ALAS2: variants seen among roughly 807,000 people sequenced by gnomAD.
The protein encoded by ALAS2 is 5'-aminolevulinate synthase 2, also known as 5-aminolevulinate synthase, erythroid-specific, mitochondrial.
ALAS2 carries 3 observed loss-of-function variants against 33.7 expected under a neutral mutation model. The observed-to-expected ratio is 0.09, with a 90% CI of 0.04 to 0.23. ALAS2 has a LOEUF of 0.23. Ranked by LOEUF, ALAS2 falls within the 10% of genes least tolerant of loss-of-function variation. The pLI, the probability that ALAS2 is intolerant of heterozygous loss-of-function variation, is 1.00. For synonymous variants in ALAS2, 191 were observed against 177.3 expected (o/e 1.08, Z -0.61); for missense variants, 304 against 475.1 (o/e 0.64, Z 3.35).
chrX:55,025,992 A>G lies in ALAS2; in HGVS notation c.9T>C (p.Thr3=). Residue 3 remains threonine (T), a synonymous_variant, in exon 2 of 11, where the codon ACT becomes ACC. Coordinates refer to ENST00000650242, the MANE Select transcript of ALAS2 (RefSeq NM_000032.5). The part of the protein sequence containing the change: MV[T]AAMLLQCCPV... ...GGCAGCACTGTAGCAGCATGGCTGCAGTCACCATCTTGAACCTAAAGTCCT... is the reference window on the plus strand; with the variant it reads ...GGCAGCACTGTAGCAGCATGGCTGCGGTCACCATCTTGAACCTAAAGTCCT... 1 of 1,211,040 alleles carries G rather than the reference A, an allele frequency of 8.3e-7. No homozygotes were observed. The highest frequency in any genetic ancestry group is 1.1e-6 in the Non-Finnish European group (1 of 895,231).
chrX:55,010,761 C>G (rs1020031663), intron 10 of ALAS2, among the ~76,000 whole-genome samples: 19 of 111,526 alleles, frequency 1.7e-4, no homozygotes, highest in African/African-American at 6.2e-4. Flanking sequence ...TCCCATAGCA[C>G]TTAGAACTAA....
At chrX:55,023,906 T>C (rs748553527) in intron 3 of ALAS2, 39 bp from the exon 4 acceptor site, 2 of 1,088,260 alleles carry the variant, frequency 1.8e-6, no homozygotes, top group East Asian at 6.1e-5. Flanking sequence ...GTGAAGAGAA[T>C]GGGGGAAAAA....
chrX:55,015,277 T>C (rs1328904624), intron 8 of ALAS2, among the ~76,000 whole-genome samples: 1 of 106,762 alleles, frequency 9.4e-6, no homozygotes, highest in Non-Finnish European at 1.9e-5. Context: ...GGGTCAGGAG[T>C]GGAGCTAAGA....
chrX:55,017,415 C>T (rs1319307318), intron 7 of ALAS2, 71 bp downstream of exon 7: 2 of 961,474 alleles, frequency 2.1e-6, no homozygotes, highest in African/African-American at 3.8e-5. Context: ...TTATCGTCAT[C>T]ATCATCATCA....
intron 4 of ALAS2, among the ~76,000 whole-genome samples, chrX:55,022,679 G>A (rs781355205): frequency 3.6e-5 from 4 of 111,588 alleles, no homozygotes; most frequent in African/African-American, 9.8e-5. Context: ...TTATCCTGGA[G>A]AAACACTTGC....
At chrX:55,013,447 G>T (rs1409492398) in intron 10 of ALAS2, 39 bp downstream of exon 10, 1 of 1,173,699 alleles carries the variant, frequency 8.5e-7, no homozygotes, top group Admixed American at 2.3e-5. Context: ...TGGGGCTGAG[G>T]GGAGGGAGGT....
intron 10 of ALAS2, among the ~76,000 whole-genome samples, chrX:55,009,989 C>T (rs1935573140): frequency 9.0e-6 from 1 of 111,643 alleles, no homozygotes; most frequent in South Asian, 3.8e-4. Context: ...GTCTAATATG[C>T]ATTTCTAACT....
At chrX:55,015,064 A>T (rs1935676261) in intron 8 of ALAS2, 49 bp from the exon 9 acceptor site, 1 of 1,171,609 alleles carries the variant, frequency 8.5e-7, no homozygotes, top group East Asian at 3.0e-5. Context: ...AATCAGTCCC[A>T]GAGCAACAGG....
At chrX:55,027,715 C>T (rs770741481) in intron 1 of ALAS2, 2 of 1,200,293 alleles carry the variant, frequency 1.7e-6, no homozygotes, top group Non-Finnish European at 2.3e-6. Context: ...ATCTCCCTCC[C>T]TTCCTGATCT....
Position 55,009,475 on chromosome X carries a change from C to T in ALAS2, c.1601-132G>A, listed in dbSNP as rs577464898. 413 of 599,534 alleles carry T rather than the reference C, an allele frequency of 6.9e-4. 1 individual carries two copies. Among genetic ancestry groups the T allele is most frequent in the Middle Eastern group, 2.9e-3 (7 of 2,408 alleles). The allele number at this position is 599,534 out of a possible 1,213,427, so 49.4% of individuals were successfully genotyped here. On this transcript the variant is annotated intron_variant, in intron 10 of 10. Coordinates refer to ENST00000650242, the MANE Select transcript of ALAS2 (RefSeq NM_000032.5). ...ATACCTCAGGGCCAGAAGTAGCCTA[C>T]TGTTTGCTTCTGTGTGTGCCGTGAA...
chrX:55,014,506 A>G (rs1247150876), intron 9 of ALAS2, among the ~76,000 whole-genome samples: 1 of 112,067 alleles, frequency 8.9e-6, no homozygotes, highest in Non-Finnish European at 1.9e-5. Context: ...GGCTGTGAGC[A>G]CTCGCTATTG....
intron 10 of ALAS2, 27 bp downstream of exon 10, chrX:55,013,459 C>G (rs757881943): frequency 9.2e-6 from 11 of 1,193,527 alleles, no homozygotes; most frequent in Admixed American, 8.8e-5. Flanking sequence ...GAGGGAGGTC[C>G]TGTAGGCACC....
rs202055220 is a variant in ALAS2, at chrX:55,023,782, T to C, written c.390A>G (p.Thr130=). The C allele has an allele frequency of 2.2e-5, 27 of 1,208,849 alleles. No individual in the cohort carries two copies. The Middle Eastern group carries it at 6.9e-4, about 31-fold the overall frequency. Residue 130 remains threonine (T), a synonymous_variant, in exon 4 of 11, where the codon ACA becomes ACG. Coordinates refer to ENST00000650242, the MANE Select transcript of ALAS2 (RefSeq NM_000032.5). The part of the protein sequence containing the change: ...QEQEQISGKV[T]HLIQNNMPGN... ...CAGGCATATTGTTCTGAATCAGGTGTGTGACCTTCCCAGAGATCTGCTCCT... is the reference window on the plus strand; with the variant it reads ...CAGGCATATTGTTCTGAATCAGGTGCGTGACCTTCCCAGAGATCTGCTCCT...
At chrX:55,021,010 T>A in intron 5 of ALAS2, 42 bp downstream of exon 5, 1 of 1,141,546 alleles carries the variant, frequency 8.8e-7, no homozygotes, top group Non-Finnish European at 1.2e-6. Flanking sequence ...TGGTTTTTCA[T>A]CTCCTCTGGC....
At chrX:55,024,695 A>G (rs1227068063) in intron 3 of ALAS2, 23 bp downstream of exon 3, 2 of 1,211,100 alleles carry the variant, frequency 1.7e-6, no homozygotes, top group Non-Finnish European at 1.1e-6. Context: ...TAAAGGTTGC[A>G]TAAGGTGGAA....
intron 6 of ALAS2, among the ~76,000 whole-genome samples, chrX:55,019,506 T>C (rs1233607451): frequency 1.8e-5 from 2 of 110,763 alleles, no homozygotes; most frequent in Non-Finnish European, 3.8e-5. Context: ...AGGCTGAGGA[T>C]AATGGTGGTT....
At chrX:55,029,508 T>C (rs776696833) in intron 1 of ALAS2, among the ~76,000 whole-genome samples, 2 of 111,935 alleles carry the variant, frequency 1.8e-5, no homozygotes, top group Admixed American at 1.9e-4. Flanking sequence ...TTAACCATTA[T>C]GGATCTGTGA....
chrX:55,014,728 G>T lies in ALAS2; in HGVS notation c.1437+19C>A. 8.6e-7 allele frequency: 1 copy of T among 1,157,885 alleles called. No individual in the cohort carries two copies. The highest frequency in any genetic ancestry group is 1.2e-6 in the Non-Finnish European group (1 of 865,582). ...GAATAAATAGGTGGAGAGGGCAATGGGCATGGTGGGGCTCTCACCCGGATG... is the reference window on the plus strand; with the variant it reads ...GAATAAATAGGTGGAGAGGGCAATGTGCATGGTGGGGCTCTCACCCGGATG... On this transcript the variant is annotated intron_variant, in intron 9 of 10. Coordinates refer to ENST00000650242, the MANE Select transcript of ALAS2 (RefSeq NM_000032.5).
chrX:55,027,834 A>T (rs1569547934), intron 1 of ALAS2: 1 of 1,190,381 alleles, frequency 8.4e-7, no homozygotes, highest in Non-Finnish European at 1.1e-6. Context: ...CTGGGTTGGT[A>T]TGTGGGGCCA....
Sources: allele counts gnomAD v4.1 joint callset (sites outside exome capture counted in the v4.1 genomes callset), GRCh38; gene constraint gnomAD v4.1.1; transcripts MANE v1.5; gene names NCBI Gene and HGNC (gene_info 2026-07-23, HGNC 2026-07-21).